Variants in CACNA2D3 observed in about 807,000 individuals in gnomAD.
The protein encoded by CACNA2D3 is calcium voltage-gated channel auxiliary subunit alpha2delta 3.
CACNA2D3 carries 60 observed loss-of-function variants against 160.6 expected under a neutral mutation model. The ratio of observed to expected loss-of-function variants is 0.37; its 90% CI spans 0.30 to 0.46. The LOEUF is 0.46. CACNA2D3 is among the 20% of genes least tolerant of loss of function. CACNA2D3 has a pLI of 1.00. For missense variants in CACNA2D3, 1,205 were observed against 1,365.0 expected, an observed-to-expected ratio of 0.88 and a Z score of 1.85; for synonymous variants, 558 against 492.9, an observed-to-expected ratio of 1.13 and a Z score of -1.75.
intron 17 of CACNA2D3, among the ~76,000 whole-genome samples, chr3:54,847,613 A>G (rs1440991745): frequency 6.6e-6 from 1 of 152,238 alleles, no homozygotes; most frequent in African/African-American, 2.4e-5. Flanking sequence ...TGTGGATGCC[A>G]TATGCATGCT....
intron 5 of CACNA2D3, among the ~76,000 whole-genome samples, chr3:54,546,177 C>G (rs1702061640): frequency 6.6e-6 from 1 of 152,150 alleles, no homozygotes; most frequent in Non-Finnish European, 1.5e-5. Context: ...AAAGGAAGAA[C>G]CTGAGCATGG....
At chr3:54,673,707 C>T (rs1010575828) in intron 11 of CACNA2D3, among the ~76,000 whole-genome samples, 2 of 152,116 alleles carry the variant, frequency 1.3e-5, no homozygotes, top group Non-Finnish European at 2.9e-5. Context: ...GACATTAATC[C>T]TTAACATCTA....
intron 2 of CACNA2D3, among the ~76,000 whole-genome samples, chr3:54,270,670 C>T (rs990314889): frequency 2.0e-5 from 3 of 152,222 alleles, no homozygotes; most frequent in Non-Finnish European, 4.4e-5. Flanking sequence ...ATCAAGGTGT[C>T]ACCTAGGTTA....
intron 3 of CACNA2D3, among the ~76,000 whole-genome samples, chr3:54,349,238 G>T (rs952223237): frequency 1.3e-5 from 2 of 152,114 alleles, no homozygotes; most frequent in South Asian, 4.2e-4. Context: ...GACTTAGGAG[G>T]GTGGCATGAA....
At chr3:54,807,651 T>G (rs1408354064) in intron 13 of CACNA2D3, among the ~76,000 whole-genome samples, 2 of 151,628 alleles carry the variant, frequency 1.3e-5, no homozygotes, top group Non-Finnish European at 2.9e-5. Flanking sequence ...GTGTGGCGAT[T>G]CCTCAGGGAT....
chr3:54,265,309 G>A (rs1275553010), intron 2 of CACNA2D3, among the ~76,000 whole-genome samples: 2 of 152,044 alleles, frequency 1.3e-5, no homozygotes, highest in Non-Finnish European at 2.9e-5. Context: ...AACACCACAT[G>A]TTCTCACTCA....
At chr3:54,874,600 A>G (rs1052138409) in intron 18 of CACNA2D3, 2 of 152,224 alleles carry the variant, frequency 1.3e-5, no homozygotes, top group Admixed American at 6.5e-5. Flanking sequence ...GTACCATTCT[A>G]AGTTCATGAG....
intron 4 of CACNA2D3, among the ~76,000 whole-genome samples, chr3:54,429,727 C>G (rs897429680): frequency 6.6e-6 from 1 of 152,140 alleles, no homozygotes; most frequent in African/African-American, 2.4e-5. Context: ...ATGAAGCCCC[C>G]TAAAATGTGA....
At chr3:54,770,953 G>A (rs1251234896) in intron 13 of CACNA2D3, among the ~76,000 whole-genome samples, 1 of 152,062 alleles carries the variant, frequency 6.6e-6, no homozygotes, top group Non-Finnish European at 1.5e-5. Context: ...TAAAAAACTA[G>A]GGAGAAAAAA....
intron 2 of CACNA2D3, among the ~76,000 whole-genome samples, chr3:54,315,734 G>A (rs1703845081): frequency 6.6e-6 from 1 of 151,744 alleles, no homozygotes; most frequent in Admixed American, 6.6e-5. Context: ...CACCATCCTG[G>A]GCCTGTGATA....
At chr3:54,416,772 A>G (rs1005136738) in intron 4 of CACNA2D3, among the ~76,000 whole-genome samples, 6 of 152,182 alleles carry the variant, frequency 3.9e-5, no homozygotes, top group Non-Finnish European at 7.3e-5. Flanking sequence ...TTAATATGCA[A>G]TTATAAATAT....
At chr3:54,326,108 A>G (rs1261014999) in intron 3 of CACNA2D3, among the ~76,000 whole-genome samples, 3 of 152,212 alleles carry the variant, frequency 2.0e-5, no homozygotes, top group Non-Finnish European at 2.9e-5. Flanking sequence ...GCATTCACGC[A>G]TCAGTCCACC....
At chr3:54,141,061 C>CTGTGTGTGTGTG (rs55833247) in intron 2 of CACNA2D3, among the ~76,000 whole-genome samples, 6,753 of 129,232 alleles carry the variant, frequency 0.052, 261 homozygotes, top group African/African-American at 0.099. Context: ...CAGGTGAAAC[C>CTGTGTGTGTGTG]TGTGTGTGTG....
chr3:54,370,161 G>A (rs955044741), intron 3 of CACNA2D3, among the ~76,000 whole-genome samples: 5 of 152,012 alleles, frequency 3.3e-5, no homozygotes, highest in Non-Finnish European at 7.4e-5. Context: ...TCTCCATTTG[G>A]TATTTATTTA....
intron 11 of CACNA2D3, among the ~76,000 whole-genome samples, chr3:54,720,236 T>A (rs1458456486): frequency 6.6e-6 from 1 of 152,056 alleles, no homozygotes; most frequent in East Asian, 1.9e-4. Flanking sequence ...CCAGCCTTAC[T>A]TTTTTATTAT....
intron 2 of CACNA2D3, among the ~76,000 whole-genome samples, chr3:54,265,712 A>G (rs1386623099): frequency 1.3e-5 from 2 of 150,540 alleles, no homozygotes; most frequent in Non-Finnish European, 2.9e-5. Flanking sequence ...TAGTGTGTTT[A>G]TATACGCACA....
chr3:54,454,257 T>G (rs1700358568), intron 4 of CACNA2D3, among the ~76,000 whole-genome samples: 1 of 152,162 alleles, frequency 6.6e-6, no homozygotes, highest in Non-Finnish European at 1.5e-5. Flanking sequence ...TCATACACTT[T>G]AAGTGTACAA....
chr3:54,185,118 T>C (rs533472895), intron 2 of CACNA2D3, among the ~76,000 whole-genome samples: 1 of 152,324 alleles, frequency 6.6e-6, no homozygotes, highest in Non-Finnish European at 1.5e-5. Flanking sequence ...GGTTAGAAGG[T>C]TGAAGTAATG....
At chr3:54,723,298 T>A (rs1439099686) in intron 11 of CACNA2D3, among the ~76,000 whole-genome samples, 1 of 135,518 alleles carries the variant, frequency 7.4e-6, no homozygotes, top group East Asian at 2.1e-4. Context: ...GCAGTGAGAA[T>A]TTCAAGCCAG....
Sources: gnomAD v4.1 joint callset for allele counts (sites outside exome capture counted in the v4.1 genomes callset) on GRCh38, gnomAD v4.1.1 for gene constraint, MANE v1.5 for transcripts, NCBI Gene and HGNC (gene_info 2026-07-23, HGNC 2026-07-21) for gene names.